The following SCRG1 variants were observed in gnomAD, a reference collection of about 807,000 sequenced individuals.
SCRG1 encodes scrapie-responsive protein 1.
In SCRG1, 3 loss-of-function variants were observed where a neutral mutation model predicts 7.7. That is an observed-to-expected ratio of 0.39 (90% confidence interval 0.18 to 1.01). The LOEUF (loss-of-function observed/expected upper bound fraction) is 1.01, where lower values mean the gene tolerates loss of function less well. Ranked by LOEUF, SCRG1 falls within the 50% of genes least tolerant of loss-of-function variation. SCRG1 has a pLI of 0.36. For missense variants in SCRG1, 110 were observed against 117.2 expected (o/e 0.94, Z 0.28); for synonymous variants, 46 against 41.2 (o/e 1.12, Z -0.44).
chr4:173,398,163 TC>T (rs1739657366), intron 1 of SCRG1: 1 of 152,168 alleles, frequency 6.6e-6, no homozygotes, highest in Admixed American at 6.5e-5. Context: ...AAGTGAAATT[TC>T]CCAAAGTATG....
At chr4:173,389,855 T>G in intron 2 of SCRG1, 1 of 435,410 alleles carries the variant, frequency 2.3e-6, no homozygotes, top group Non-Finnish European at 4.7e-6. Flanking sequence ...CCTTTTCTAT[T>G]TCACAGATTT....
rs1739231225 is a variant in SCRG1, at chr4:173,385,911, T to C, written c.*2430A>G. 6.6e-6 allele frequency: 1 copy of C among 152,228 alleles called. No individual in the cohort carries two copies. The highest frequency in any genetic ancestry group is 6.5e-5 in the Admixed American group (1 of 15,288). The allele number at this position is 152,228 out of a possible 1,614,324, so 9.4% of individuals were successfully genotyped here. ...ATAGTTTTTTTAAATTTACCTATTC[T>C]ATGCATTGTTCCAGAATGGATATGA... On this transcript the variant is annotated 3_prime_UTR_variant, in exon 3 of 3. Transcript: ENST00000296506.
the SCRG1 span, among the ~76,000 whole-genome samples, chr4:173,482,962 A>T: frequency 2.3e-5 from 3 of 131,628 alleles, no homozygotes; most frequent in Non-Finnish European, 3.1e-5. Context: ...TATTGTACAT[A>T]TTGTATATAT....
upstream of SCRG1, among the ~76,000 whole-genome samples, chr4:173,411,020 G>T (rs1740023707): frequency 6.6e-6 from 1 of 152,188 alleles, no homozygotes; most frequent in African/African-American, 2.4e-5. Flanking sequence ...GGCAGAGTGT[G>T]CAGTGAGACA....
chr4:173,438,484 T>A, the SCRG1 span, among the ~76,000 whole-genome samples: 1 of 152,048 alleles, frequency 6.6e-6, no homozygotes, highest in African/African-American at 2.4e-5. Context: ...ATTGCTGTCA[T>A]CTGTTATATT....
upstream of SCRG1, among the ~76,000 whole-genome samples, chr4:173,410,950 G>A (rs1473414741): frequency 6.6e-6 from 1 of 152,192 alleles, no homozygotes; most frequent in African/African-American, 2.4e-5. Flanking sequence ...TCTCAGAGTA[G>A]ACTAGTTCTG....
chr4:173,422,465 T>C, the SCRG1 span, among the ~76,000 whole-genome samples: 1 of 152,212 alleles, frequency 6.6e-6, no homozygotes, highest in African/African-American at 2.4e-5. Context: ...CATGTATTTG[T>C]TACTAATTGT....
chr4:173,485,011 TATATA>T, the SCRG1 span, among the ~76,000 whole-genome samples: 1 of 10,992 alleles, frequency 9.1e-5, no homozygotes, highest in Non-Finnish European at 1.9e-4. Context: ...ATAAATATAA[TATATA>T]ATATATAATA....
the SCRG1 span, among the ~76,000 whole-genome samples, chr4:173,473,987 C>G: frequency 6.6e-6 from 1 of 152,096 alleles, no homozygotes; most frequent in Non-Finnish European, 1.5e-5. Context: ...TGAGACCAGG[C>G]TGGCCAACAT....
At chr4:173,492,234 ACT>A in the SCRG1 span, among the ~76,000 whole-genome samples, 5 of 152,202 alleles carry the variant, frequency 3.3e-5, no homozygotes, top group African/African-American at 1.2e-4. Context: ...TTGCCTAAAC[ACT>A]CTAAAAAGTT....
the SCRG1 span, among the ~76,000 whole-genome samples, chr4:173,496,462 G>A: frequency 4.6e-5 from 7 of 152,188 alleles, no homozygotes; most frequent in Non-Finnish European, 7.3e-5. Context: ...ATGCAACAGA[G>A]ACTAGAAATA....
chr4:173,471,445 C>T, the SCRG1 span, among the ~76,000 whole-genome samples: 1 of 152,134 alleles, frequency 6.6e-6, no homozygotes, highest in Non-Finnish European at 1.5e-5. Context: ...CTGGAGGCAG[C>T]TCATAGTACA....
the SCRG1 span, among the ~76,000 whole-genome samples, chr4:173,466,697 T>C: frequency 1.3e-5 from 2 of 152,206 alleles, no homozygotes; most frequent in African/African-American, 4.8e-5. Flanking sequence ...ATGTGGATCA[T>C]CTGATAATGA....
chr4:173,388,426 A>G, intron 2 of SCRG1, 31 bp from the exon 3 acceptor site: 1 of 1,500,294 alleles, frequency 6.7e-7, no homozygotes, highest in Non-Finnish European at 9.3e-7. Flanking sequence ...AATTAAATTC[A>G]CCTTAAGGCT....
the SCRG1 span, among the ~76,000 whole-genome samples, chr4:173,418,474 A>G: frequency 6.6e-6 from 1 of 152,222 alleles, no homozygotes; most frequent in Non-Finnish European, 1.5e-5. Flanking sequence ...TGCAGCCCTC[A>G]TGAAACATAA....
the SCRG1 span, among the ~76,000 whole-genome samples, chr4:173,453,731 G>C: frequency 5.3e-5 from 8 of 152,236 alleles, no homozygotes; most frequent in African/African-American, 1.9e-4. Context: ...TGTATGCCAC[G>C]TGCTACACAA....
the SCRG1 span, among the ~76,000 whole-genome samples, chr4:173,448,012 G>A: frequency 6.6e-6 from 1 of 152,176 alleles, no homozygotes; most frequent in Non-Finnish European, 1.5e-5. Flanking sequence ...ACTGAGGCAG[G>A]AGAATCACTT....
At chr4:173,435,240 C>A in the SCRG1 span, among the ~76,000 whole-genome samples, 161 of 152,140 alleles carry the variant, frequency 1.1e-3, 1 homozygote, top group African/African-American at 3.6e-3. Flanking sequence ...AGTCCCTATC[C>A]TGGCAGGGGG....
chr4:173,518,688 G>T, the SCRG1 span, among the ~76,000 whole-genome samples: 6 of 152,098 alleles, frequency 3.9e-5, no homozygotes, highest in African/African-American at 1.4e-4. Context: ...CAATCCCAGC[G>T]GTTAGCCCCT....
Sources: allele counts gnomAD v4.1 joint callset (sites outside exome capture counted in the v4.1 genomes callset), GRCh38; gene constraint gnomAD v4.1.1; transcripts MANE v1.5; gene names NCBI Gene and HGNC (gene_info 2026-07-23, HGNC 2026-07-21).